TAF1B: variants seen among roughly 807,000 people sequenced by gnomAD.
The protein encoded by TAF1B is TATA box-binding protein-associated factor RNA polymerase I subunit B.
In TAF1B, 61 loss-of-function variants were observed where a neutral mutation model predicts 83.9. The observed-to-expected ratio is 0.73, with a 90% confidence interval of 0.59 to 0.90. TAF1B has a LOEUF of 0.90. TAF1B is among the 40% of genes least tolerant of loss of function. The pLI, the probability that TAF1B is intolerant of heterozygous loss-of-function variation, is 0.00. For synonymous variants in TAF1B, 221 were observed against 224.6 expected, an observed-to-expected ratio of 0.98 and a Z score of 0.14; for missense variants, 625 against 677.0, an observed-to-expected ratio of 0.92 and a Z score of 0.85.
chr2:9,849,249 A>T, intron 2 of TAF1B, 124 bp from the exon 3 acceptor site: 1 of 644,178 alleles, frequency 1.6e-6, no homozygotes, highest in Non-Finnish European at 2.6e-6. Context: ...TTTTCCCAAG[A>T]TTTTACCATC....
intron 5 of TAF1B, among the ~76,000 whole-genome samples, chr2:9,860,948 A>T (rs1663732463): frequency 6.6e-6 from 1 of 152,210 alleles, no homozygotes; most frequent in Non-Finnish European, 1.5e-5. Flanking sequence ...GAGAGCTTTT[A>T]AAAAGTGGGA....
chr2:9,917,349 ATTAC>A (rs895441240), intron 12 of TAF1B, among the ~76,000 whole-genome samples: 23 of 152,300 alleles, frequency 1.5e-4, no homozygotes, highest in African/African-American at 5.5e-4. Flanking sequence ...TTATATACGT[ATTAC>A]TTCCTAGTAT....
intron 5 of TAF1B, among the ~76,000 whole-genome samples, chr2:9,862,887 C>T (rs1475700813): frequency 6.6e-6 from 1 of 152,116 alleles, no homozygotes; most frequent in African/African-American, 2.4e-5. Flanking sequence ...TACAGACAAG[C>T]AAATGCTGAG....
At chr2:9,899,290 A>G (rs1285098476) in intron 8 of TAF1B, among the ~76,000 whole-genome samples, 1 of 152,190 alleles carries the variant, frequency 6.6e-6, no homozygotes, top group Non-Finnish European at 1.5e-5. Context: ...CGTCTGGCTT[A>G]CTTCACTTAG....
chr2:9,885,574 T>C (rs1664649142), intron 8 of TAF1B, among the ~76,000 whole-genome samples: 1 of 152,208 alleles, frequency 6.6e-6, no homozygotes, highest in Non-Finnish European at 1.5e-5. Flanking sequence ...GAAAGCAAGC[T>C]TGGACGTTTG....
At chr2:9,857,648 A>G (rs1663606997) in intron 5 of TAF1B, among the ~76,000 whole-genome samples, 1 of 152,162 alleles carries the variant, frequency 6.6e-6, no homozygotes, top group African/African-American at 2.4e-5. Flanking sequence ...TCAGTTTTAC[A>G]TGGTTGGGGA....
chr2:9,859,511 C>T (rs1033612221), intron 5 of TAF1B, among the ~76,000 whole-genome samples: 5 of 151,758 alleles, frequency 3.3e-5, no homozygotes, highest in Admixed American at 2.6e-4. Context: ...CTTAGCCTCC[C>T]GAGTAGCTGG....
In TAF1B at chr2:9,847,072, A is replaced by G. The variant is rs371503498; in HGVS notation, c.117+1754A>G. On this transcript the variant is annotated intron_variant, in intron 2 of 14. Coordinates refer to ENST00000263663, the MANE Select transcript of TAF1B (RefSeq NM_005680.3). Reference sequence around the variant, plus strand: ...AACTACATTAACTAATTGCTTTTCTATTTTTGATTTTGATACTGTTTCCGT... The same window carrying G: ...AACTACATTAACTAATTGCTTTTCTGTTTTTGATTTTGATACTGTTTCCGT... Among the ~76,000 whole-genome samples the G allele has an allele frequency of 1.9e-4, 29 of 152,282 alleles. 1 individual carries two copies. Among genetic ancestry groups the G allele is most frequent in the Admixed American group, 5.9e-4 (9 of 15,298 alleles).
chr2:9,901,146 A>G (rs536600697), intron 8 of TAF1B, among the ~76,000 whole-genome samples: 36 of 152,360 alleles, frequency 2.4e-4, no homozygotes, highest in African/African-American at 7.9e-4. Context: ...ACCTAAATGC[A>G]TAACAATGAG....
chr2:9,933,497 G>A (rs1471672541), intron 14 of TAF1B, among the ~76,000 whole-genome samples: 1 of 152,202 alleles, frequency 6.6e-6, no homozygotes, highest in Admixed American at 6.5e-5. Flanking sequence ...TAAGAAAGTG[G>A]AGTGGTGGCC....
At chr2:9,897,263 T>A (rs546294006) in intron 8 of TAF1B, among the ~76,000 whole-genome samples, 1 of 152,344 alleles carries the variant, frequency 6.6e-6, no homozygotes, top group Non-Finnish European at 1.5e-5. Flanking sequence ...GTCAGTGACT[T>A]AAAATAGGGC....
intron 14 of TAF1B, among the ~76,000 whole-genome samples, chr2:9,926,770 C>T (rs1454397215): frequency 3.2e-5 from 4 of 125,430 alleles, no homozygotes; most frequent in Admixed American, 9.6e-5. Context: ...ACCTGGGAGG[C>T]AGAGGTTGCA....
At chr2:9,860,196 A>G (rs565393380) in intron 5 of TAF1B, among the ~76,000 whole-genome samples, 17 of 152,270 alleles carry the variant, frequency 1.1e-4, no homozygotes, top group African/African-American at 4.1e-4. Flanking sequence ...ACAATTCAAG[A>G]TGAGATTTGG....
At chr2:9,890,304 C>A (rs1194813686) in intron 8 of TAF1B, among the ~76,000 whole-genome samples, 1 of 152,160 alleles carries the variant, frequency 6.6e-6, no homozygotes, top group Non-Finnish European at 1.5e-5. Flanking sequence ...CTGTTGGATA[C>A]GGTGGAAGCT....
intron 14 of TAF1B, among the ~76,000 whole-genome samples, chr2:9,927,175 T>A (rs1666068178): frequency 2.0e-5 from 3 of 152,166 alleles, no homozygotes; most frequent in African/African-American, 7.2e-5. Context: ...CCAGCTTCAT[T>A]CATGTCCCTG....
At chr2:9,893,492 A>G (rs1020929060) in intron 8 of TAF1B, among the ~76,000 whole-genome samples, 8 of 152,260 alleles carry the variant, frequency 5.3e-5, no homozygotes, top group African/African-American at 1.7e-4. Context: ...GCTGCAAGCA[A>G]CGTGAATGAA....
At chr2:9,862,872 T>C (rs1663823004) in intron 5 of TAF1B, among the ~76,000 whole-genome samples, 1 of 152,096 alleles carries the variant, frequency 6.6e-6, no homozygotes, top group African/African-American at 2.4e-5. Context: ...AGAAATAAAA[T>C]ACTTTACAGA....
At chr2:9,901,829 C>T (rs1337626790) in intron 8 of TAF1B, among the ~76,000 whole-genome samples, 2 of 151,762 alleles carry the variant, frequency 1.3e-5, no homozygotes, top group South Asian at 2.1e-4. Flanking sequence ...CTTTAAAATT[C>T]ACAGATTAAA....
At chr2:9,887,967 C>T (rs1664731234) in intron 8 of TAF1B, among the ~76,000 whole-genome samples, 1 of 152,078 alleles carries the variant, frequency 6.6e-6, no homozygotes, top group Non-Finnish European at 1.5e-5. Context: ...ATCCTTTTGC[C>T]TCAGCCTCCC....
Sources: gnomAD v4.1 joint callset for allele counts (sites outside exome capture counted in the v4.1 genomes callset) on GRCh38, gnomAD v4.1.1 for gene constraint, MANE v1.5 for transcripts, NCBI Gene and HGNC (gene_info 2026-07-23, HGNC 2026-07-21) for gene names.